Variants in ABCA1 observed in about 807,000 individuals in gnomAD.
ABCA1 encodes the protein phospholipid-transporting ATPase ABCA1.
In ABCA1, 133 loss-of-function variants were observed where a neutral mutation model predicts 262.5. That is an observed-to-expected ratio of 0.51 (90% CI 0.44 to 0.59). The LOEUF is 0.59. ABCA1 is among the 20% of genes least tolerant of loss of function. ABCA1 has a pLI of 0.00. For missense variants in ABCA1, 2,452 were observed against 2,777.5 expected (o/e 0.88, Z 2.63); for synonymous variants, 1,022 against 1,043.5 (o/e 0.98, Z 0.40).
chr9:104,906,843 C>G (rs973779263), intron 1 of ABCA1, among the ~76,000 whole-genome samples: 1 of 151,650 alleles, frequency 6.6e-6, no homozygotes, highest in Admixed American at 6.6e-5. Context: ...TGCCCTCATA[C>G]ACATTTCCAG....
intron 17 of ABCA1, 156 bp downstream of exon 17, chr9:104,825,527 T>C: frequency 1.3e-6 from 1 of 756,966 alleles, no homozygotes; most frequent in Non-Finnish European, 2.3e-6. Flanking sequence ...AATTGTACTT[T>C]CAGCATCAGC....
chr9:104,793,188 T>A lies in ABCA1; in HGVS notation c.5619A>T (p.Arg1873Ser), dbSNP rs1274169400. ...AAGCTCACCTGGGCCTGATGAAGAA[T>A]CTGTACTGGATCAGAACAGTAATGA... ...FFLITVLIQY[R>S]FFIRPRPVNA... Residue 1873 changes from arginine to serine, a missense_variant, in exon 41 of 50, where the codon AGA becomes AGT. Physicochemically the swap from Arg to Ser is moderately radical, Grantham distance 110. Coordinates refer to ENST00000374736, the MANE Select transcript of ABCA1 (RefSeq NM_005502.4). 1 of 1,614,068 alleles carries A rather than the reference T, an allele frequency of 6.2e-7. No individual in the cohort carries two copies. The highest frequency in any genetic ancestry group is 1.1e-5 in the South Asian group (1 of 91,078).
At chr9:104,861,870 G>A in intron 5 of ABCA1, 70 bp from the exon 6 acceptor site, 2 of 1,370,600 alleles carry the variant, frequency 1.5e-6, no homozygotes, top group Admixed American at 3.6e-5. Flanking sequence ...GGGCACAATG[G>A]GACAGTGGAG....
chr9:104,863,179 T>C (rs1169754774), intron 5 of ABCA1, among the ~76,000 whole-genome samples: 1 of 152,136 alleles, frequency 6.6e-6, no homozygotes, highest in Non-Finnish European at 1.5e-5. Context: ...GTACCTCATG[T>C]CATCTTTCTG....
At chr9:104,797,045 C>G (rs1382287556) in intron 37 of ABCA1, among the ~76,000 whole-genome samples, 1 of 152,210 alleles carries the variant, frequency 6.6e-6, no homozygotes, top group Admixed American at 6.5e-5. Context: ...CAGCTTCAGA[C>G]TACAGGGCTC....
intron 11 of ABCA1, among the ~76,000 whole-genome samples, chr9:104,836,344 A>G (rs1268287793): frequency 2.0e-5 from 3 of 152,230 alleles, no homozygotes; most frequent in Non-Finnish European, 4.4e-5. Flanking sequence ...CCATGGAAAC[A>G]GGAAATAGTC....
At chr9:104,913,125 A>C (rs1393735263) in intron 1 of ABCA1, among the ~76,000 whole-genome samples, 1 of 152,170 alleles carries the variant, frequency 6.6e-6, no homozygotes, top group Admixed American at 6.5e-5. Context: ...AACCTGAAGG[A>C]TTTATATTTA....
chr9:104,856,678 T>C (rs751811191), intron 7 of ABCA1, among the ~76,000 whole-genome samples: 1 of 152,126 alleles, frequency 6.6e-6, no homozygotes, highest in African/African-American at 2.4e-5. Context: ...CAATAGGTGT[T>C]TAATGAGTAA....
At chr9:104,793,074 G>C (rs1038437160) in intron 41 of ABCA1, 97 bp downstream of exon 41, 1 of 1,591,068 alleles carries the variant, frequency 6.3e-7, no homozygotes, top group East Asian at 2.2e-5. Context: ...CATATTTTGA[G>C]TTCAGTTCAA....
chr9:104,831,792 T>G lies in ABCA1; in HGVS notation c.1545A>C (p.Thr515=). 1 of 1,614,256 alleles carries G rather than the reference T, an allele frequency of 6.2e-7. No individual in the cohort carries two copies. Among genetic ancestry groups the G allele is most frequent in the African/African-American group, 1.3e-5 (1 of 75,066 alleles). ...TGGACTTGTTGATGAGCCAGACTTCTGTTGCTATGGGTTCTAGCTTGTTCA... is the reference window on the plus strand; with the variant it reads ...TGGACTTGTTGATGAGCCAGACTTCGGTTGCTATGGGTTCTAGCTTGTTCA... ...VNLNKLEPIA[T]EVWLINKSME... is the part of the protein sequence containing the mutation. Residue 515 remains threonine (T), a synonymous_variant, in exon 13 of 50, where the codon ACA becomes ACC. Transcript: ENST00000374736.
In ABCA1 at chr9:104,861,828, TTTAG is replaced by T. The variant is rs774793639; in HGVS notation, c.422-32_422-29del. ...ATTGAGAAATAGTGTTTTATTTTTA[TTTAG>T]TAAGTAACTCAAAAAAAAAAAAAAA... On this transcript the variant is annotated intron_variant, in intron 5 of 49. Coordinates refer to ENST00000374736, the MANE Select transcript of ABCA1 (RefSeq NM_005502.4). 3.6e-5 allele frequency: 58 copies of T among 1,596,590 alleles called. 1 individual carries two copies. The East Asian group carries it at 1.2e-3, about 34-fold the overall frequency.
At chr9:104,798,638 A>T in intron 36 of ABCA1, 40 bp from the exon 37 acceptor site, 1 of 1,584,376 alleles carries the variant, frequency 6.3e-7, no homozygotes, top group Non-Finnish European at 8.6e-7. Context: ...GGGGTCTTTG[A>T]TGCAGTTAGG....
intron 15 of ABCA1, 106 bp downstream of exon 15, chr9:104,828,810 C>T (rs1833010553): frequency 1.8e-6 from 2 of 1,129,926 alleles, no homozygotes; most frequent in East Asian, 5.1e-5. Context: ...AGGTATGACC[C>T]CTTCTCTACC....
chr9:104,832,083 A>G lies in ABCA1; in HGVS notation c.1510-256T>C, dbSNP rs2515629. ...TTGTGGAGGAAAAGAGGTTAAAACA[A>G]TGATCTTATCTTACTTTTCTGTTTT... On this transcript the variant is annotated intron_variant, in intron 12 of 49. Transcript: ENST00000374736. Among the ~76,000 whole-genome samples, 24,175 of 152,188 alleles carry G rather than the reference A, an allele frequency of 0.16. 2,012 individuals are homozygous for G. The highest frequency in any genetic ancestry group is 0.17 in the African/African-American group (7,194 of 41,512).
intron 1 of ABCA1, among the ~76,000 whole-genome samples, chr9:104,914,335 G>C (rs558533575): frequency 6.6e-6 from 1 of 151,702 alleles, no homozygotes; most frequent in South Asian, 2.1e-4. Flanking sequence ...AAAAGTAGCT[G>C]GGCATGGTAG....
intron 18 of ABCA1, 89 bp downstream of exon 18, chr9:104,824,376 A>G: frequency 3.8e-6 from 6 of 1,586,396 alleles, no homozygotes; most frequent in Non-Finnish European, 5.1e-6. Context: ...ACAGTCTTTT[A>G]GAAAGGCAGG....
chr9:104,882,006 G>A (rs4149271), intron 5 of ABCA1, among the ~76,000 whole-genome samples: 28,902 of 118,522 alleles, frequency 0.24, 3,172 homozygotes, highest in South Asian at 0.43. Context: ...TACTGCCCAA[G>A]GAAAGCACAG....
rs1157576156 is a variant in ABCA1 at position 104,806,373 on chromosome 9, G to A, written c.4332C>T (p.Thr1444=). The change falls in exon 31 of 50, where the codon ACC becomes ACT. Residue 1444 remains threonine, a synonymous_variant. Transcript: ENST00000374736. ...EEWTTAPVPQ[T]IMDLFQNGNW... is the part of the protein sequence containing the mutation. Reference sequence around the variant, plus strand: ...TCCCATTCTGGAAGAGGTCCATGATGGTCTGGGGAACTGGGGCAGTGGTCC... The same window carrying A: ...TCCCATTCTGGAAGAGGTCCATGATAGTCTGGGGAACTGGGGCAGTGGTCC... 14 of 1,614,202 alleles carry A rather than the reference G, an allele frequency of 8.7e-6. No homozygotes were observed. Among genetic ancestry groups the A allele is most frequent in the East Asian group, 4.5e-5 (2 of 44,870 alleles).
intron 1 of ABCA1, among the ~76,000 whole-genome samples, chr9:104,913,495 C>T (rs576129440): frequency 6.6e-6 from 1 of 152,330 alleles, no homozygotes; most frequent in East Asian, 1.9e-4. Flanking sequence ...GTGAAGTATT[C>T]ATCAAGGGTG....
Sources: allele counts gnomAD v4.1 joint callset (sites outside exome capture counted in the v4.1 genomes callset), GRCh38; gene constraint gnomAD v4.1.1; transcripts MANE v1.5; gene names NCBI Gene and HGNC (gene_info 2026-07-23, HGNC 2026-07-21).